The following GRID2 variants were observed in gnomAD, a reference collection of about 807,000 sequenced individuals.
GRID2 encodes glutamate receptor ionotropic, delta-2.
In GRID2, 33 loss-of-function variants were observed where a neutral mutation model predicts 114.8. The ratio of observed to expected loss-of-function variants is 0.29; its 90% confidence interval spans 0.22 to 0.38. The LOEUF (loss-of-function observed/expected upper bound fraction) is 0.38. Ranked by LOEUF, GRID2 falls within the 10% of genes least tolerant of loss-of-function variation. The pLI is 1.00. For synonymous variants in GRID2, 505 were observed against 449.9 expected, an observed-to-expected ratio of 1.12 and a Z score of -1.55; for missense variants, 1,184 against 1,257.7, an observed-to-expected ratio of 0.94 and a Z score of 0.89.
chr4:93,728,441 G>A (rs1161015279), intron 14 of GRID2, among the ~76,000 whole-genome samples: 1 of 152,120 alleles, frequency 6.6e-6, no homozygotes, highest in Non-Finnish European at 1.5e-5. Flanking sequence ...GTGGTGTGGT[G>A]CTGAAAAAAA....
intron 9 of GRID2, among the ~76,000 whole-genome samples, chr4:93,421,201 A>T (rs1768252423): frequency 6.6e-6 from 1 of 152,192 alleles, no homozygotes; most frequent in African/African-American, 2.4e-5. Context: ...AGCAGAAAGA[A>T]TAAGAAATGT....
At chr4:93,124,373 ATT>A (rs1446867248) in intron 4 of GRID2, among the ~76,000 whole-genome samples, 1 of 152,246 alleles carries the variant, frequency 6.6e-6, no homozygotes, top group Non-Finnish European at 1.5e-5. Flanking sequence ...AGAGAGATGT[ATT>A]TATTGCAAAT....
At chr4:92,314,490 T>G (rs113587963) in intron 1 of GRID2, among the ~76,000 whole-genome samples, 2 of 152,114 alleles carry the variant, frequency 1.3e-5, no homozygotes. Flanking sequence ...TAAAAAGTTT[T>G]TAATGTGTAG....
chr4:93,079,692 A>T (rs947423532), intron 2 of GRID2, among the ~76,000 whole-genome samples: 16 of 152,052 alleles, frequency 1.1e-4, no homozygotes, highest in African/African-American at 3.6e-4. Context: ...CACGGTTGTT[A>T]TGAGATATAA....
chr4:93,337,327 AG>A (rs1182738865), intron 8 of GRID2, among the ~76,000 whole-genome samples: 1 of 152,180 alleles, frequency 6.6e-6, no homozygotes, highest in African/African-American at 2.4e-5. Flanking sequence ...TTCCTGTCTA[AG>A]GAAGTGGCAC....
intron 2 of GRID2, among the ~76,000 whole-genome samples, chr4:92,688,994 G>A (rs555082847): frequency 1.3e-5 from 2 of 152,236 alleles, no homozygotes; most frequent in African/African-American, 2.4e-5. Context: ...ACACAAACAA[G>A]GAGATTTACA....
chr4:92,580,686 T>TA (rs1224554234), intron 1 of GRID2, among the ~76,000 whole-genome samples: 1 of 151,974 alleles, frequency 6.6e-6, no homozygotes, highest in Non-Finnish European at 1.5e-5. Flanking sequence ...TTCATACAGA[T>TA]ATTTCTTTGG....
At chr4:93,160,603 A>G (rs1383767815) in intron 4 of GRID2, among the ~76,000 whole-genome samples, 1 of 151,768 alleles carries the variant, frequency 6.6e-6, no homozygotes, top group African/African-American at 2.4e-5. Context: ...ATAGCACTCA[A>G]AAAGATACTG....
At chr4:92,557,544 T>G (rs1020748608) in intron 1 of GRID2, among the ~76,000 whole-genome samples, 32 of 150,900 alleles carry the variant, frequency 2.1e-4, no homozygotes, top group Admixed American at 1.9e-3. Context: ...CTTATATTTC[T>G]GTATTAGATA....
intron 2 of GRID2, among the ~76,000 whole-genome samples, chr4:93,020,858 C>T (rs914201948): frequency 6.6e-6 from 1 of 151,910 alleles, no homozygotes; most frequent in Admixed American, 6.6e-5. Flanking sequence ...CATGGCAAAA[C>T]CCCGTCTCTA....
intron 2 of GRID2, among the ~76,000 whole-genome samples, chr4:93,076,473 G>A (rs887521651): frequency 1.3e-5 from 2 of 151,856 alleles, no homozygotes; most frequent in Non-Finnish European, 2.9e-5. Context: ...ATGGTAAAAA[G>A]AATTCTCTTA....
chr4:92,407,177 C>T (rs1192392097), intron 1 of GRID2, among the ~76,000 whole-genome samples: 2 of 152,046 alleles, frequency 1.3e-5, no homozygotes, highest in African/African-American at 4.8e-5. Context: ...GGGGAAACTG[C>T]CCCCATAATC....
intron 2 of GRID2, among the ~76,000 whole-genome samples, chr4:93,045,662 C>A (rs903022356): frequency 2.0e-5 from 3 of 152,134 alleles, no homozygotes; most frequent in African/African-American, 7.2e-5. Context: ...TTGCCCTTGG[C>A]ATCTTGTACT....
intron 2 of GRID2, among the ~76,000 whole-genome samples, chr4:92,748,934 T>C (rs115078824): frequency 0.02 from 3,058 of 151,902 alleles, 104 homozygotes; most frequent in African/African-American, 0.07. Context: ...ACAGTGAGAT[T>C]ACAGGCATGA....
chr4:92,448,597 A>G (rs1180180941), intron 1 of GRID2, among the ~76,000 whole-genome samples: 2 of 152,212 alleles, frequency 1.3e-5, no homozygotes, highest in Non-Finnish European at 2.9e-5. Context: ...ACATCTAAAA[A>G]AATAAACATT....
At chr4:92,682,306 C>T (rs1414454635) in intron 2 of GRID2, among the ~76,000 whole-genome samples, 2 of 152,116 alleles carry the variant, frequency 1.3e-5, no homozygotes, top group Non-Finnish European at 2.9e-5. Flanking sequence ...AAATGCCCTG[C>T]CCTCTTATGA....
intron 4 of GRID2, among the ~76,000 whole-genome samples, chr4:93,143,094 G>T (rs1048766661): frequency 9.2e-5 from 14 of 152,144 alleles, no homozygotes; most frequent in Non-Finnish European, 1.9e-4. Context: ...CCAGAAGGAG[G>T]CAGTAAGCAA....
intron 1 of GRID2, among the ~76,000 whole-genome samples, chr4:93,794,758 TTTC>T (rs1216248981): frequency 1.5e-4 from 23 of 152,290 alleles, no homozygotes; most frequent in Admixed American, 6.5e-4. Flanking sequence ...GCTTAACCAG[TTTC>T]TTCTTCCATT....
chr4:93,667,495 T>C (rs565765272), intron 14 of GRID2, among the ~76,000 whole-genome samples: 1 of 151,980 alleles, frequency 6.6e-6, no homozygotes, highest in Middle Eastern at 3.4e-3. Flanking sequence ...AGCATAATTC[T>C]ACCATGAAGT....
Sources: gnomAD v4.1 joint callset for allele counts (sites outside exome capture counted in the v4.1 genomes callset) on GRCh38, gnomAD v4.1.1 for gene constraint, MANE v1.5 for transcripts, NCBI Gene and HGNC (gene_info 2026-07-23, HGNC 2026-07-21) for gene names.